The following RIMS1 variants were observed in gnomAD, a reference collection of about 807,000 sequenced individuals.
RIMS1 encodes the protein regulating synaptic membrane exocytosis 1.
Under a neutral mutation model 214.1 loss-of-function variants are expected in RIMS1, and 83 were observed. The ratio of observed to expected loss-of-function variants is 0.39; its 90% CI spans 0.32 to 0.47. The LOEUF (loss-of-function observed/expected upper bound fraction) is 0.47. Among genes scored for constraint, RIMS1 ranks in the 20% least tolerant of loss-of-function variants. The pLI, the probability that RIMS1 is intolerant of heterozygous loss-of-function variation, is 0.99. For synonymous variants in RIMS1, 793 were observed against 786.8 expected (o/e 1.01, Z -0.13); for missense variants, 2,050 against 2,161.8 (o/e 0.95, Z 1.03).
At chr6:72,388,643 A>C (rs1413973046) in intron 29 of RIMS1, among the ~76,000 whole-genome samples, 1 of 152,184 alleles carries the variant, frequency 6.6e-6, no homozygotes, top group Non-Finnish European at 1.5e-5. Flanking sequence ...GTGTCTGGAC[A>C]TAGGGTTGGA....
At chr6:72,363,735 T>G (rs1306995924) in intron 29 of RIMS1, among the ~76,000 whole-genome samples, 1 of 152,110 alleles carries the variant, frequency 6.6e-6, no homozygotes, top group African/African-American at 2.4e-5. Flanking sequence ...TAACCAGGGG[T>G]TTGCATTTTA....
At chr6:71,903,094 A>G (rs1403337577) in intron 1 of RIMS1, among the ~76,000 whole-genome samples, 1 of 152,118 alleles carries the variant, frequency 6.6e-6, no homozygotes, top group East Asian at 1.9e-4. Context: ...ATCTTTGAGG[A>G]ATTGCCACAC....
At chr6:72,307,767 G>A (rs2095300572) in intron 27 of RIMS1, among the ~76,000 whole-genome samples, 1 of 151,628 alleles carries the variant, frequency 6.6e-6, no homozygotes, top group Non-Finnish European at 1.5e-5. Context: ...AAAAGAAAAG[G>A]TATCATTAAA....
At chr6:72,373,514 T>C (rs1595621464) in intron 29 of RIMS1, among the ~76,000 whole-genome samples, 1 of 152,234 alleles carries the variant, frequency 6.6e-6, no homozygotes, top group East Asian at 1.9e-4. Context: ...TCATTGTTTA[T>C]AGTCAATTTA....
chr6:72,109,199 C>G (rs2035471963), intron 4 of RIMS1, among the ~76,000 whole-genome samples: 1 of 152,142 alleles, frequency 6.6e-6, no homozygotes, highest in African/African-American at 2.4e-5. Context: ...GATTCATAGT[C>G]TTTTGGGTAT....
chr6:72,316,040 T>A (rs528239588), intron 28 of RIMS1, among the ~76,000 whole-genome samples: 11,867 of 152,178 alleles, frequency 0.078, 576 homozygotes, highest in South Asian at 0.13. Context: ...GCAGCAAAGT[T>A]TTTTGTTCCT....
At chr6:72,079,791 G>A (rs1254555860) in intron 2 of RIMS1, among the ~76,000 whole-genome samples, 1 of 151,152 alleles carries the variant, frequency 6.6e-6, no homozygotes, top group Non-Finnish European at 1.5e-5. Context: ...AGGCTGACAT[G>A]GGAGGATTGC....
At chr6:72,167,428 G>C (rs926453831) in intron 4 of RIMS1, among the ~76,000 whole-genome samples, 6 of 152,002 alleles carry the variant, frequency 3.9e-5, no homozygotes, top group Admixed American at 3.3e-4. Context: ...TAGTATTAGG[G>C]CTAAGCTGAT....
At chr6:72,249,617 A>T (rs923596863) in intron 12 of RIMS1, among the ~76,000 whole-genome samples, 1 of 152,106 alleles carries the variant, frequency 6.6e-6, no homozygotes. Flanking sequence ...CAAAAAATTT[A>T]AAAAACTGGC....
At chr6:72,245,917 A>G (rs1171544168) in intron 11 of RIMS1, 56 bp downstream of exon 11, 3 of 1,250,942 alleles carry the variant, frequency 2.4e-6, no homozygotes, top group Non-Finnish European at 3.5e-6. Context: ...GAAAGTAAAG[A>G]TTTCTAATTT....
At chr6:72,136,023 G>C (rs1030705151) in intron 4 of RIMS1, among the ~76,000 whole-genome samples, 4 of 152,152 alleles carry the variant, frequency 2.6e-5, no homozygotes, top group African/African-American at 9.7e-5. Context: ...GCTGAGGAAA[G>C]GGGCAATGAG....
intron 2 of RIMS1, among the ~76,000 whole-genome samples, chr6:72,068,349 C>T (rs74771057): frequency 0.13 from 18,539 of 140,094 alleles, 1,323 homozygotes; most frequent in South Asian, 0.2. Context: ...CAATTTGAAA[C>T]CACTTTTTTG....
chr6:72,268,036 T>A (rs1406764023), intron 22 of RIMS1, among the ~76,000 whole-genome samples: 1 of 152,112 alleles, frequency 6.6e-6, no homozygotes, highest in East Asian at 1.9e-4. Flanking sequence ...AGCAATTATT[T>A]TATGTAATGT....
At chr6:71,912,747 G>T (rs1777296562) in intron 1 of RIMS1, among the ~76,000 whole-genome samples, 1 of 152,112 alleles carries the variant, frequency 6.6e-6, no homozygotes, top group Non-Finnish European at 1.5e-5. Context: ...AGTATTATGT[G>T]TCAGGTACTG....
chr6:72,200,301 T>C (rs1272866787), intron 6 of RIMS1, among the ~76,000 whole-genome samples: 1 of 152,146 alleles, frequency 6.6e-6, no homozygotes, highest in Non-Finnish European at 1.5e-5. Flanking sequence ...TTGGGGAGTA[T>C]ATTGCTTAGA....
At chr6:72,062,339 CT>C (rs1052051280) in intron 2 of RIMS1, among the ~76,000 whole-genome samples, 1 of 151,920 alleles carries the variant, frequency 6.6e-6, no homozygotes, top group Admixed American at 6.6e-5. Context: ...GATCCTATGG[CT>C]TTTTTTATAC....
At chr6:72,119,393 G>A (rs928160198) in intron 4 of RIMS1, among the ~76,000 whole-genome samples, 3 of 151,666 alleles carry the variant, frequency 2.0e-5, no homozygotes, top group African/African-American at 4.8e-5. Flanking sequence ...AATACCCAAA[G>A]CAATCTACAG....
At chr6:72,047,617 C>T (rs1327746847) in intron 2 of RIMS1, among the ~76,000 whole-genome samples, 1 of 151,908 alleles carries the variant, frequency 6.6e-6, no homozygotes, top group Non-Finnish European at 1.5e-5. Context: ...GGCTAGTTTG[C>T]AGCTATTTTG....
At chr6:72,059,203 A>G (rs1241845413) in intron 2 of RIMS1, among the ~76,000 whole-genome samples, 2 of 152,178 alleles carry the variant, frequency 1.3e-5, no homozygotes, top group Non-Finnish European at 2.9e-5. Context: ...TATAACTATG[A>G]CAGGTTTCTG....
Sources: allele counts gnomAD v4.1 joint callset (sites outside exome capture counted in the v4.1 genomes callset), GRCh38; gene constraint gnomAD v4.1.1; transcripts MANE v1.5; gene names NCBI Gene and HGNC (gene_info 2026-07-23, HGNC 2026-07-21).